The following JAK1 variants were observed in gnomAD, a reference collection of about 807,000 sequenced individuals.
JAK1 encodes the protein Janus kinase 1.
A neutral mutation model predicts 136.6 loss-of-function variants in JAK1; 16 were observed. The ratio of observed to expected loss-of-function variants is 0.12; its 90% CI spans 0.08 to 0.18. The LOEUF (loss-of-function observed/expected upper bound fraction) is 0.18, where lower values mean the gene tolerates loss of function less well. JAK1 is among the 10% of genes least tolerant of loss of function. The pLI is 1.00. For missense variants in JAK1, 859 were observed against 1,450.1 expected (o/e 0.59, Z 6.62); for synonymous variants, 492 against 519.5 (o/e 0.95, Z 0.72).
chr1:64,877,790 C>T (rs747032425), intron 4 of JAK1, among the ~76,000 whole-genome samples: 1 of 152,164 alleles, frequency 6.6e-6, no homozygotes, highest in Non-Finnish European at 1.5e-5. Flanking sequence ...GCTGATCACA[C>T]AGCCAATCCC....
At chr1:64,990,688 G>A (rs530339) in intron 2 of JAK1, 2 of 152,076 alleles carry the variant, frequency 1.3e-5, no homozygotes, top group Non-Finnish European at 2.9e-5. Flanking sequence ...TTGGCAGGCA[G>A]AGGCAGGCGG....
At chr1:65,000,562 C>T (rs538664392) in intron 2 of JAK1, among the ~76,000 whole-genome samples, 7 of 151,810 alleles carry the variant, frequency 4.6e-5, no homozygotes, top group East Asian at 3.9e-4. Flanking sequence ...GCAATACTTC[C>T]GGACACAATT....
chr1:65,038,198 CTTTT>C (rs113538392), intron 2 of JAK1, among the ~76,000 whole-genome samples: 4 of 133,278 alleles, frequency 3.0e-5, no homozygotes, highest in Admixed American at 7.7e-5. Flanking sequence ...TTTTTCTTTT[CTTTT>C]TTTTTTTTTT....
In JAK1 at chr1:64,846,728, G is replaced by A. The variant is rs377607450; in HGVS notation, c.1908C>T (p.Phe636=). Residue 636 remains phenylalanine, a synonymous_variant, in exon 14 of 25, where the codon TTC becomes TTT. Transcript: ENST00000342505. ...PSHRDISLAF[F]EAASMMRQVS... is the part of the protein sequence containing the mutation. ...CCTGTCTCATCATGCTGGCTGCCTC[G>A]AAGAAGGCCTGTGGGCGAGCAGGAC... 1.1e-5 allele frequency: 17 copies of A among 1,613,536 alleles called. No homozygotes were observed. The highest frequency in any genetic ancestry group is 3.3e-4 in the Middle Eastern group (2 of 6,082).
At chr1:64,847,250 T>C (rs920195455) in intron 13 of JAK1, among the ~76,000 whole-genome samples, 1 of 152,020 alleles carries the variant, frequency 6.6e-6, no homozygotes, top group Non-Finnish European at 1.5e-5. Flanking sequence ...GCCAGAGTCC[T>C]AGGGCTCCAC....
At chr1:64,933,511 C>A (rs1186318098) in intron 1 of JAK1, among the ~76,000 whole-genome samples, 1 of 152,210 alleles carries the variant, frequency 6.6e-6, no homozygotes, top group African/African-American at 2.4e-5. Context: ...GCCTTTCACG[C>A]ATGTTTTCAC....
intron 1 of JAK1, among the ~76,000 whole-genome samples, chr1:64,894,422 G>A (rs1038007671): frequency 1.3e-5 from 2 of 152,114 alleles, no homozygotes; most frequent in African/African-American, 4.8e-5. Context: ...ATGCACCAAA[G>A]GTACTCAGCT....
chr1:64,972,079 A>G (rs527748118), intron 2 of JAK1: 1 of 152,302 alleles, frequency 6.6e-6, no homozygotes, highest in Admixed American at 6.5e-5. Context: ...TTTATTAAAG[A>G]TCTCATTATT....
At chr1:65,043,475 T>C (rs1022448064) in intron 2 of JAK1, among the ~76,000 whole-genome samples, 1 of 152,278 alleles carries the variant, frequency 6.6e-6, no homozygotes, top group Admixed American at 6.5e-5. Flanking sequence ...TATTCTACAT[T>C]GAAAAAAAGC....
At chr1:65,060,614 GA>G (rs1018406350) in intron 1 of JAK1, among the ~76,000 whole-genome samples, 15 of 149,756 alleles carry the variant, frequency 1.0e-4, no homozygotes, top group African/African-American at 2.0e-4. Context: ...ACCTAAATTA[GA>G]AAAAAAAAGA....
At chr1:64,980,761 C>T (rs1471232997) in intron 2 of JAK1, among the ~76,000 whole-genome samples, 1 of 150,384 alleles carries the variant, frequency 6.6e-6, no homozygotes, top group Non-Finnish European at 1.5e-5. Flanking sequence ...GTGTGATGTT[C>T]CCCTTCCTGT....
rs1021219399 is a variant in JAK1 at position 64,964,254 on chromosome 1, C to T, written c.-78+2079G>A. On this transcript the variant is annotated intron_variant, in intron 1 of 24. Transcript: ENST00000342505. Reference sequence around the variant, plus strand: ...AAATCTTCTAACAGCATGCTATTATCTTATCAGGACATAAGGACATACAAA... The same window carrying T: ...AAATCTTCTAACAGCATGCTATTATTTTATCAGGACATAAGGACATACAAA... 5.9e-5 allele frequency among the ~76,000 whole-genome samples: 9 copies of T among 152,152 alleles called. 1 individual carries two copies. Among genetic ancestry groups the T allele is most frequent in the Admixed American group, 3.9e-4 (6 of 15,282 alleles).
At chr1:64,971,156 C>G (rs1355636120), upstream of JAK1, among the ~76,000 whole-genome samples, 1 of 152,212 alleles carries the variant, frequency 6.6e-6, no homozygotes. Flanking sequence ...AAAAAATTGA[C>G]TGTAATCTTG....
chr1:65,011,501 G>A (rs947720892), intron 2 of JAK1, among the ~76,000 whole-genome samples: 6 of 151,994 alleles, frequency 3.9e-5, no homozygotes, highest in African/African-American at 9.7e-5. Context: ...ACCAGCTTCC[G>A]ATATCCAAAA....
intron 1 of JAK1, among the ~76,000 whole-genome samples, chr1:64,931,426 C>G (rs1156913746): frequency 5.3e-5 from 8 of 151,996 alleles, no homozygotes; most frequent in Admixed American, 5.2e-4. Context: ...GCTGTCCACG[C>G]CGGGTGTCAC....
intron 1 of JAK1, among the ~76,000 whole-genome samples, chr1:65,062,918 G>T (rs1038334913): frequency 2.0e-5 from 3 of 152,156 alleles, no homozygotes; most frequent in Non-Finnish European, 4.4e-5. Context: ...TCCAGTCTCT[G>T]TCTATATGGT....
intron 2 of JAK1, among the ~76,000 whole-genome samples, chr1:64,980,207 A>G (rs1438945610): frequency 6.6e-6 from 1 of 152,124 alleles, no homozygotes; most frequent in East Asian, 1.9e-4. Context: ...CTTGGTTTGA[A>G]CTCTCAACAC....
chr1:64,872,885 T>C (rs1482803887), intron 5 of JAK1, among the ~76,000 whole-genome samples: 1 of 152,156 alleles, frequency 6.6e-6, no homozygotes, highest in East Asian at 1.9e-4. Flanking sequence ...AATCTCAGAG[T>C]AAATGTAATT....
At chr1:64,931,370 C>T (rs7416939) in intron 1 of JAK1, among the ~76,000 whole-genome samples, 7,078 of 152,162 alleles carry the variant, frequency 0.047, 263 homozygotes, top group Admixed American at 0.14. Context: ...GAAGGGAGGG[C>T]CATTCCCATC....
Sources: gnomAD v4.1 joint callset for allele counts (sites outside exome capture counted in the v4.1 genomes callset) on GRCh38, gnomAD v4.1.1 for gene constraint, MANE v1.5 for transcripts, NCBI Gene and HGNC (gene_info 2026-07-23, HGNC 2026-07-21) for gene names.